The following PRDM8 variants were observed in gnomAD, a reference collection of about 807,000 sequenced individuals.
The protein encoded by PRDM8 is PR/SET domain 8, also known as PR domain zinc finger protein 8.
PRDM8 carries 13 observed loss-of-function variants against 46.5 expected under a neutral mutation model. The ratio of observed to expected loss-of-function variants is 0.28; its 90% CI spans 0.18 to 0.44. The LOEUF (loss-of-function observed/expected upper bound fraction) is 0.44, where lower values mean the gene tolerates loss of function less well. PRDM8 is among the 20% of genes least tolerant of loss of function. PRDM8 has a pLI of 1.00. For synonymous variants in PRDM8, 473 were observed against 438.4 expected, an observed-to-expected ratio of 1.08 and a Z score of -0.98; for missense variants, 998 against 955.0, an observed-to-expected ratio of 1.04 and a Z score of -0.59.
In PRDM8 at chr4:80,188,734, C is replaced by A. The variant is rs548147966; in HGVS notation, c.-982-2738C>A. 3.2e-4 allele frequency among the ~76,000 whole-genome samples: 49 copies of A among 152,322 alleles called. No homozygotes were observed. The South Asian group carries it at 3.5e-3, about 11-fold the overall frequency. The stretch of plus-strand genomic sequence containing the variant: ...GCGGAAAGTTTCATATAACTTGAGA[C>A]GGTGCGCGTGGGGAAAACGTAAAGC... On this transcript the variant is annotated intron_variant, in intron 1 of 9. Transcript: ENST00000339711.
chr4:80,187,258 GC>G (rs1261749472), intron 1 of PRDM8, among the ~76,000 whole-genome samples: 1 of 147,948 alleles, frequency 6.8e-6, no homozygotes, highest in Non-Finnish European at 1.5e-5. Flanking sequence ...GCGGGGGGAA[GC>G]AGAAGAATAT....
rs762192778 is a variant in PRDM8 at position 80,202,426 on chromosome 4, G to A, written c.964G>A (p.Glu322Lys). Residue 322 changes from glutamate (E) to lysine (K), a missense_variant, in exon 4 of 4, where the codon GAG (glutamate) becomes AAG (lysine). By Grantham distance (56) the Glu-to-Lys change is moderately conservative (BLOSUM62 1). Coordinates refer to ENST00000415738, the MANE Select transcript of PRDM8 (RefSeq NM_001099403.2). ...GAGGAAATTCCCGGAGGAGGCGGCGGAGGGCGGCGGTGGCGCTGGTCTGGT... is the reference window on the plus strand; with the variant it reads ...GAGGAAATTCCCGGAGGAGGCGGCGAAGGGCGGCGGTGGCGCTGGTCTGGT... ...GKRKFPEEAA[E>K]GGGGAGLVGG... 9.7e-6 allele frequency: 15 copies of A among 1,550,862 alleles called. No individual in the cohort carries two copies. Among genetic ancestry groups the A allele is most frequent in the South Asian group, 2.4e-5 (2 of 84,536 alleles).
intron 3 of PRDM8, 85 bp downstream of exon 3, chr4:80,201,606 G>GCCAA: frequency 1.5e-6 from 2 of 1,361,778 alleles, no homozygotes; most frequent in Non-Finnish European, 2.1e-6. Context: ...CGGCGCGTTG[G>GCCAA]CGCGCCTTTC....
At position 80,200,246 on chromosome 4, in the gene PRDM8, GC is replaced by G; in HGVS notation, c.167del (p.Ala56ValfsTer3). ...LSHTSLYDSI[A>X]FIALKSTDKR... is the part of the protein sequence containing the mutation. ...CCATACTTCCCTATATGACAGCATA[GC>G]TTTCATAGCTCTCAAGTCTACTGAC... is the stretch of plus-strand genomic sequence containing the variant. On this transcript the variant is annotated frameshift_variant, in exon 2 of 4. Coordinates refer to ENST00000415738, the MANE Select transcript of PRDM8 (RefSeq NM_001099403.2). LOFTEE classifies it high-confidence loss of function. 1 of 1,614,096 alleles carries G rather than the reference GC, an allele frequency of 6.2e-7. No individual in the cohort carries two copies. The highest frequency in any genetic ancestry group is 8.5e-7 in the Non-Finnish European group (1 of 1,180,010).
intron 2 of PRDM8, 67 bp downstream of exon 2, chr4:80,200,366 A>G: frequency 1.4e-6 from 2 of 1,405,094 alleles, no homozygotes; most frequent in Admixed American, 3.4e-5. Context: ...ACTAAAAATA[A>G]TTATAATGAC....
At chr4:80,189,758 G>A (rs1737404873) in intron 1 of PRDM8, 1 of 152,222 alleles carries the variant, frequency 6.6e-6, no homozygotes, top group Non-Finnish European at 1.5e-5. Context: ...CCTGAGTGGG[G>A]AGGGCTGGGA....
Position 80,201,326 on chromosome 4 carries a change from C to CCAA in PRDM8, c.256_257insCAA (p.Leu86delinsProIle). The CCAA allele has an allele frequency of 6.2e-7, 1 of 1,614,216 alleles. No individual in the cohort carries two copies. The highest frequency in any genetic ancestry group is 8.5e-7 in the Non-Finnish European group (1 of 1,180,042). On this transcript the variant is annotated protein_altering_variant, in exon 3 of 4. Coordinates refer to ENST00000415738, the MANE Select transcript of PRDM8 (RefSeq NM_001099403.2). ...AGCAGCAAATGGTTCCTCAGAAGGT[C>CCAA]TCATGTGGCTGCGGTTGGTCCAATC...
At chr4:80,185,286 A>C (rs776910431) in exon 1 of PRDM8, 1 of 152,240 alleles carries the variant, frequency 6.6e-6, no homozygotes, top group Non-Finnish European at 1.5e-5. Context: ...AGCATCAGAC[A>C]AGAGCTTTAT....
chr4:80,196,457 A>G, upstream of PRDM8: 2 of 985,444 alleles, frequency 2.0e-6, no homozygotes, highest in African/African-American at 1.7e-5. Context: ...ACCTCAAGTC[A>G]TTAGCATCAG....
Position 80,197,701 on chromosome 4 carries a change from C to G in PRDM8, c.-65C>G. 1 of 982,950 alleles carries G rather than the reference C, an allele frequency of 1.0e-6. No homozygotes were observed. Among genetic ancestry groups the G allele is most frequent in the Non-Finnish European group, 1.2e-6 (1 of 827,308 alleles). 60.9% of individuals were successfully genotyped at this position (982,950 alleles called of 1,614,324 possible). On this transcript the variant is annotated 5_prime_UTR_variant, in exon 1 of 4. Transcript: ENST00000415738. Reference sequence around the variant, plus strand: ...GATACAATAGGCAAAAGGAAACACTCGATTGCATCTTCCCGGTTCCAGGTG... The same window carrying G: ...GATACAATAGGCAAAAGGAAACACTGGATTGCATCTTCCCGGTTCCAGGTG...
chr4:80,196,096 C>G (rs898813954), upstream of PRDM8: 9 of 983,818 alleles, frequency 9.1e-6, no homozygotes, highest in African/African-American at 1.6e-4. Context: ...AGAAGGGTCT[C>G]AAAGCTGGGA....
intron 1 of PRDM8, among the ~76,000 whole-genome samples, chr4:80,187,212 C>G (rs1364614840): frequency 3.5e-5 from 5 of 144,880 alleles, no homozygotes; most frequent in African/African-American, 1.3e-4. Flanking sequence ...ACGAAATACC[C>G]CAGGTTGTTG....
chr4:80,200,289 A>G lies in PRDM8; in HGVS notation c.209A>G (p.Tyr70Cys), dbSNP rs1272386839. The change falls in exon 2 of 4, where the codon TAT becomes TGT. Residue 70 changes from tyrosine (Y) to cysteine (C), a missense_variant. Coordinates refer to ENST00000415738, the MANE Select transcript of PRDM8 (RefSeq NM_001099403.2). ...LKSTDKRTVPYIFRVDTSAAN... is the reference protein window; with the variant it reads ...LKSTDKRTVPCIFRVDTSAAN... ...TCTACTGACAAGAGAACAGTACCGT[A>G]TATCTTTCGGGTAAGTCTCCACTGT... The G allele has an allele frequency of 1.2e-6, 2 of 1,612,500 alleles. No individual in the cohort carries two copies. The highest frequency in any genetic ancestry group is 1.3e-5 in the African/African-American group (1 of 74,858).
Position 80,202,532 on chromosome 4 carries a change from C to T in PRDM8, c.1070C>T (p.Ala357Val), listed in dbSNP as rs1269467673. ...GTGTGCACACCGCAGCAGTACCGAG[C>T]CTCGGGCAGCTACTTCGGCCTGGAA... The part of the protein sequence containing the change: ...DLVCTPQQYR[A>V]SGSYFGLEEN... The change falls in exon 4 of 4, where the codon GCC (alanine) becomes GTC (valine). Residue 357 changes from alanine (A) to valine (V), a missense_variant. Ala to Val is a moderately conservative substitution (Grantham distance 64). Coordinates refer to ENST00000415738, the MANE Select transcript of PRDM8 (RefSeq NM_001099403.2). 5 of 1,536,382 alleles carry T rather than the reference C, an allele frequency of 3.3e-6. No homozygotes were observed. The highest frequency in any genetic ancestry group is 1.7e-4 in the Middle Eastern group (1 of 6,008).
At chr4:80,195,663 C>T (rs1737888211), upstream of PRDM8, among the ~76,000 whole-genome samples, 1 of 152,030 alleles carries the variant, frequency 6.6e-6, no homozygotes, top group South Asian at 2.1e-4. Flanking sequence ...TGCACTGAGC[C>T]TTGGTCATTA....
intron 1 of PRDM8, among the ~76,000 whole-genome samples, chr4:80,199,008 T>G (rs373829778): frequency 1.2e-3 from 165 of 134,256 alleles, no homozygotes; most frequent in Middle Eastern, 7.3e-3. Flanking sequence ...TTTTTTTTTT[T>G]TTTTTTTTTT....
At chr4:80,193,208 C>T (rs1737683246), upstream of PRDM8, among the ~76,000 whole-genome samples, 1 of 152,156 alleles carries the variant, frequency 6.6e-6, no homozygotes, top group Non-Finnish European at 1.5e-5. Context: ...GAGTCTCTGG[C>T]TTTCCCAGGG....
Position 80,202,279 on chromosome 4 carries a change from G to C in PRDM8, c.817G>C (p.Gly273Arg). The change falls in exon 4 of 4, where the codon GGA (glycine) becomes CGA (arginine). Residue 273 changes from glycine to arginine, a missense_variant. Transcript: ENST00000415738. ...GGCCAGGGAGCTGGAAAACTCCCGG[G>C]GAGGCAGCAGCTGCTCCCCAGCCCA... is the stretch of plus-strand genomic sequence containing the variant. The part of the protein sequence containing the change: ...NLARELENSR[G>R]GSSCSPAQSL... The C allele has an allele frequency of 6.2e-7, 1 of 1,610,318 alleles. No homozygotes were observed. Among genetic ancestry groups the C allele is most frequent in the Non-Finnish European group, 8.5e-7 (1 of 1,179,268 alleles).
In PRDM8 at chr4:80,197,604, ATC is replaced by A. The variant is rs1738063584; in HGVS notation, c.-154_-153del. On this transcript the variant is annotated 5_prime_UTR_variant, in exon 1 of 4. Transcript: ENST00000415738. ...CCAATCTTTTTCTCCCCATCTCTCC[ATC>A]TCTCTCTTATCTCTTCAGGAAGAGC... 1.4e-5 allele frequency: 13 copies of A among 922,748 alleles called. No individual in the cohort carries two copies. The highest frequency in any genetic ancestry group is 1.6e-5 in the Non-Finnish European group (13 of 797,650). The allele number at this position is 922,748 out of a possible 1,614,324, so 57.2% of individuals were successfully genotyped here.
Sources: gnomAD v4.1 joint callset for allele counts (sites outside exome capture counted in the v4.1 genomes callset) on GRCh38, gnomAD v4.1.1 for gene constraint, MANE v1.5 for transcripts, NCBI Gene and HGNC (gene_info 2026-07-23, HGNC 2026-07-21) for gene names.